Variants in MRGPRF observed in about 807,000 individuals in gnomAD.
MRGPRF encodes MAS related GPR family member F, also known as mas-related G protein-coupled receptor member F.
Under a neutral mutation model 3.3 loss-of-function variants are expected in MRGPRF, and 2 were observed. That is an observed-to-expected ratio of 0.61 (90% CI 0.25 to 1.92). MRGPRF has a LOEUF of 1.92. Among genes scored for constraint, MRGPRF ranks in the 40% most tolerant of loss-of-function variants. MRGPRF has a pLI of 0.16. For missense variants in MRGPRF, 500 were observed against 476.0 expected, an observed-to-expected ratio of 1.05 and a Z score of -0.47; for synonymous variants, 242 against 222.7, an observed-to-expected ratio of 1.09 and a Z score of -0.77.
intron 1 of MRGPRF, among the ~76,000 whole-genome samples, chr11:69,011,026 C>T (rs1187023656): frequency 2.0e-5 from 3 of 152,158 alleles, no homozygotes; most frequent in Non-Finnish European, 4.4e-5. Context: ...AGGTCGCAGG[C>T]TGCCGGGCCC....
intron 1 of MRGPRF, among the ~76,000 whole-genome samples, chr11:69,010,660 A>G (rs550184526): frequency 7.3e-4 from 111 of 152,260 alleles, no homozygotes; most frequent in African/African-American, 2.6e-3. Flanking sequence ...CCATAGCCAC[A>G]CCATGCCCTG....
chr11:69,009,870 G>C lies in MRGPRF; in HGVS notation c.32C>G (p.Pro11Arg). ...GGCACTTACCTTGTTCCTGTTGCCG[G>C]GATGGGCCTCCCAGGAGCAGTTTCC... MAGNCSWEAHPGNRNKMCPGL... is the reference protein window; with the variant it reads MAGNCSWEAHRGNRNKMCPGL... The change falls in exon 2 of 3, where the codon CCC becomes CGC. Residue 11 changes from proline (P) to arginine (R), a missense_variant. Pro to Arg is a moderately radical substitution (Grantham distance 103). Coordinates refer to ENST00000309099, the MANE Select transcript of MRGPRF (RefSeq NM_145015.5). 1 of 1,609,906 alleles carries C rather than the reference G, an allele frequency of 6.2e-7. No individual in the cohort carries two copies. Among genetic ancestry groups the C allele is most frequent in the South Asian group, 1.1e-5 (1 of 91,002 alleles).
At chr11:69,007,271 G>A (rs1172248011) in intron 2 of MRGPRF, among the ~76,000 whole-genome samples, 4 of 152,130 alleles carry the variant, frequency 2.6e-5, no homozygotes, top group African/African-American at 9.7e-5. Context: ...GCAGTGGCCC[G>A]ATCTTGGCTC....
intron 1 of MRGPRF, among the ~76,000 whole-genome samples, chr11:69,010,384 T>C (rs1046082639): frequency 2.6e-5 from 4 of 152,242 alleles, no homozygotes; most frequent in Admixed American, 2.0e-4. Flanking sequence ...GGATCATTCC[T>C]GGCAGGGGGA....
intron 2 of MRGPRF, among the ~76,000 whole-genome samples, chr11:69,006,706 C>G (rs947894400): frequency 6.8e-6 from 1 of 148,146 alleles, no homozygotes; most frequent in African/African-American, 2.5e-5. Context: ...TCACTGCAAC[C>G]TCTGCCTCCC....
In MRGPRF at chr11:69,005,593, G is replaced by A; in HGVS notation, c.717C>T (p.His239=). Residue 239 remains histidine, a synonymous_variant, in exon 3 of 3, where the codon CAC becomes CAT. Coordinates refer to ENST00000309099, the MANE Select transcript of MRGPRF (RefSeq NM_145015.5). ...RRRQRSAKLN[H]VILAMVSVFL... ...AGACGGAGACCATGGCCAGGATGAC[G>A]TGGTTGAGCTTGGCAGAGCGCTGGC... 6.3e-7 allele frequency: 1 copy of A among 1,577,770 alleles called. No individual in the cohort carries two copies. Among genetic ancestry groups the A allele is most frequent in the Admixed American group, 1.8e-5 (1 of 54,568 alleles).
chr11:69,010,131 G>A (rs962224898), intron 1 of MRGPRF, among the ~76,000 whole-genome samples, 174 bp from the exon 2 acceptor site: 1 of 152,238 alleles, frequency 6.6e-6, no homozygotes, highest in Non-Finnish European at 1.5e-5. Flanking sequence ...GTGAGATTCT[G>A]GAGGTCACCC....
chr11:69,005,346 C>T lies in MRGPRF; in HGVS notation c.964G>A (p.Glu322Lys). Residue 322 changes from glutamate to lysine, a missense_variant, in exon 3 of 3, where the codon GAG (glutamate) becomes AAG (lysine). Coordinates refer to ENST00000309099, the MANE Select transcript of MRGPRF (RefSeq NM_145015.5). ...GTGTTGGGCGTGCTGCCCCCGGCCT[C>T]CCCCAGCTCAGCGCCGTCCCGCAGG... Reference protein sequence around the residue: ...RALRDGAELGEAGGSTPNTVT... With the variant: ...RALRDGAELGKAGGSTPNTVT... The T allele has an allele frequency of 3.8e-6, 6 of 1,565,800 alleles. No individual in the cohort carries two copies. Among genetic ancestry groups the T allele is most frequent in the Non-Finnish European group, 5.2e-6 (6 of 1,157,094 alleles).
At chr11:69,006,301 GC>G (rs747077719) in intron 2 of MRGPRF, 40 bp from the exon 3 acceptor site, 3 of 1,553,756 alleles carry the variant, frequency 1.9e-6, no homozygotes, top group Non-Finnish European at 2.6e-6. Flanking sequence ...ATGCCGGCTG[GC>G]CCCCACCCAC....
chr11:69,006,378 G>A, intron 2 of MRGPRF, 117 bp from the exon 3 acceptor site: 1 of 1,259,296 alleles, frequency 7.9e-7, no homozygotes, highest in Non-Finnish European at 1.1e-6. Flanking sequence ...GGGGCAGGGA[G>A]GGGGTCTGTA....
rs756613938 is a variant in MRGPRF at position 69,005,290 on chromosome 11, C to T, written c.1020G>A (p.Gly340=). The T allele has an allele frequency of 2.1e-5, 31 of 1,505,112 alleles. No homozygotes were observed. The South Asian group carries it at 3.8e-4, about 18-fold the overall frequency. 93.2% of individuals were successfully genotyped at this position (1,505,112 alleles called of 1,614,324 possible). The change falls in exon 3 of 3, where the codon GGG becomes GGA. Residue 340 remains glycine, a synonymous_variant. Transcript: ENST00000309099. ...AGGCGCTGGAGTCTCAGGAGGCGTT[C>T]CCCGGGGGACACTGCATCTCCATGG... ...TVTMEMQCPP[G]NAS
intron 1 of MRGPRF, among the ~76,000 whole-genome samples, chr11:69,012,088 G>A (rs1860608532): frequency 6.6e-6 from 1 of 152,258 alleles, no homozygotes; most frequent in South Asian, 2.1e-4. Flanking sequence ...GATGGGGCGT[G>A]CGTGTCAGTA....
At chr11:69,009,124 A>G (rs745320174) in intron 2 of MRGPRF, among the ~76,000 whole-genome samples, 2 of 152,216 alleles carry the variant, frequency 1.3e-5, no homozygotes, top group African/African-American at 4.8e-5. Flanking sequence ...CCAAGGCCCA[A>G]GGGCGTGGGG....
chr11:69,008,691 C>T (rs77183544), intron 2 of MRGPRF, among the ~76,000 whole-genome samples: 6 of 152,344 alleles, frequency 3.9e-5, no homozygotes, highest in Non-Finnish European at 8.8e-5. Context: ...AATCCCGCTC[C>T]TTAGCTTCTC....
At chr11:69,009,823 A>C in intron 2 of MRGPRF, 31 bp downstream of exon 2, 2 of 1,560,754 alleles carry the variant, frequency 1.3e-6, no homozygotes, top group East Asian at 2.3e-5. Flanking sequence ...CCGTCTGGGC[A>C]AGACCAGGGC....
rs1226433019 is a variant in MRGPRF, at chr11:69,005,295, G to C, written c.1015C>G (p.Pro339Ala). 3.3e-6 allele frequency: 5 copies of C among 1,515,450 alleles called. No homozygotes were observed. The highest frequency in any genetic ancestry group is 4.4e-6 in the Non-Finnish European group (5 of 1,135,896). 93.9% of individuals were successfully genotyped at this position (1,515,450 alleles called of 1,614,324 possible). A position where few individuals can be genotyped will look rare whatever the true frequency, so the allele number is the denominator to read the frequency against. The stretch of plus-strand genomic sequence containing the variant: ...CTGGAGTCTCAGGAGGCGTTCCCCG[G>C]GGGACACTGCATCTCCATGGTGACT... ...NTVTMEMQCP[P>A]GNAS The change falls in exon 3 of 3, where the codon CCG (proline) becomes GCG (alanine). Residue 339 changes from proline to alanine, a missense_variant. Transcript: ENST00000309099.
chr11:69,013,517 G>C (rs1053071608), upstream of MRGPRF: 1 of 152,432 alleles, frequency 6.6e-6, no homozygotes, highest in Non-Finnish European at 1.5e-5. Flanking sequence ...AGGGAGCACC[G>C]GCTGTACACT....
At chr11:69,013,035 C>G (rs1250165706) in intron 1 of MRGPRF, 48 bp downstream of exon 1, 1 of 153,556 alleles carries the variant, frequency 6.5e-6, no homozygotes, top group Non-Finnish European at 1.4e-5. Context: ...ACCCTGCAGC[C>G]CCGGTTGTTG....
At position 69,012,816 on chromosome 11, in the gene MRGPRF, G is replaced by A. The variant is rs116770272; in HGVS notation, c.-57+267C>T. 2.4e-3 allele frequency among the ~76,000 whole-genome samples: 358 copies of A among 152,230 alleles called. 2 individuals carry two copies. The highest frequency in any genetic ancestry group is 8.2e-3 in the African/African-American group (339 of 41,550). ...GCTGAGAGGGGTCAGGTCCTGCCACGGGAGGGGGACTTTTAAAGTTCCTCC... is the reference window on the plus strand; with the variant it reads ...GCTGAGAGGGGTCAGGTCCTGCCACAGGAGGGGGACTTTTAAAGTTCCTCC... On this transcript the variant is annotated intron_variant, in intron 1 of 2. Coordinates refer to ENST00000309099, the MANE Select transcript of MRGPRF (RefSeq NM_145015.5).
Sources: allele counts gnomAD v4.1 joint callset (sites outside exome capture counted in the v4.1 genomes callset), GRCh38; gene constraint gnomAD v4.1.1; transcripts MANE v1.5; gene names NCBI Gene and HGNC (gene_info 2026-07-23, HGNC 2026-07-21).